The following LDB2 variants were observed in gnomAD, a reference collection of about 807,000 sequenced individuals.
LDB2 encodes the protein LIM domain-binding protein 2.
In LDB2, 12 loss-of-function variants were observed where a neutral mutation model predicts 44.3. That is an observed-to-expected ratio of 0.27 (90% confidence interval 0.17 to 0.44). LDB2 has a LOEUF of 0.44. Among genes scored for constraint, LDB2 ranks in the 20% least tolerant of loss-of-function variants. The pLI, the probability that LDB2 is intolerant of heterozygous loss-of-function variation, is 1.00. For synonymous variants in LDB2, 164 were observed against 174.8 expected (o/e 0.94, Z 0.49); for missense variants, 344 against 473.5 (o/e 0.73, Z 2.54).
intron 1 of LDB2, among the ~76,000 whole-genome samples, chr4:16,799,893 T>C (rs1472878217): frequency 2.6e-5 from 4 of 152,242 alleles, no homozygotes; most frequent in East Asian, 3.8e-4. Context: ...GATATTTATC[T>C]GAAATTCCAA....
At chr4:16,564,990 C>G in intron 5 of LDB2, among the ~76,000 whole-genome samples, 1 of 152,172 alleles carries the variant, frequency 6.6e-6, no homozygotes, top group East Asian at 1.9e-4. Flanking sequence ...ATCCAATTCT[C>G]CTTTACAATT....
intron 1 of LDB2, among the ~76,000 whole-genome samples, chr4:16,843,081 G>A (rs901119669): frequency 6.6e-6 from 1 of 152,106 alleles, no homozygotes; most frequent in African/African-American, 2.4e-5. Context: ...CAGCCTAATT[G>A]CAATCATTCA....
chr4:16,619,203 T>G (rs1196526462), intron 2 of LDB2, among the ~76,000 whole-genome samples: 2 of 152,102 alleles, frequency 1.3e-5, no homozygotes, highest in Non-Finnish European at 2.9e-5. Flanking sequence ...AAAAATTTTT[T>G]GCTGTGATTG....
intron 2 of LDB2, among the ~76,000 whole-genome samples, chr4:16,730,458 A>C (rs545629198): frequency 7.9e-5 from 12 of 152,290 alleles, no homozygotes; most frequent in African/African-American, 2.9e-4. Flanking sequence ...CATGATAAAG[A>C]CTCAAAAACT....
At chr4:16,754,949 C>A (rs1766220331) in intron 2 of LDB2, among the ~76,000 whole-genome samples, 1 of 152,216 alleles carries the variant, frequency 6.6e-6, no homozygotes, top group East Asian at 1.9e-4. Context: ...CTTTCTCCTG[C>A]ACCATCCAGC....
intron 1 of LDB2, among the ~76,000 whole-genome samples, chr4:16,882,915 T>C (rs952608233): frequency 2.0e-5 from 3 of 152,232 alleles, no homozygotes; most frequent in Admixed American, 1.3e-4. Context: ...TTAGTTCAGA[T>C]GAATTTTAAC....
chr4:16,729,476 G>A (rs904603523), intron 2 of LDB2, among the ~76,000 whole-genome samples: 15 of 152,036 alleles, frequency 9.9e-5, no homozygotes, highest in African/African-American at 2.9e-4. Flanking sequence ...AAAACACACC[G>A]GCTCAGCCAG....
At chr4:16,509,415 G>T (rs1720831728) in intron 6 of LDB2, among the ~76,000 whole-genome samples, 1 of 152,058 alleles carries the variant, frequency 6.6e-6, no homozygotes, top group South Asian at 2.1e-4. Context: ...TTAAAGAAAG[G>T]CCTATTCAGA....
At chr4:16,652,891 G>C (rs576941667) in intron 2 of LDB2, among the ~76,000 whole-genome samples, 3 of 152,126 alleles carry the variant, frequency 2.0e-5, no homozygotes, top group African/African-American at 7.2e-5. Flanking sequence ...GCTATTAGCA[G>C]TCACTTGTTT....
chr4:16,616,558 G>A (rs140878633), intron 2 of LDB2, among the ~76,000 whole-genome samples: 28 of 152,084 alleles, frequency 1.8e-4, no homozygotes, highest in Admixed American at 2.0e-4. Context: ...ACAGCCACCT[G>A]AGTCTCTGGC....
chr4:16,589,783 G>A lies in LDB2; in HGVS notation c.409-951C>T, dbSNP rs183217369. On this transcript the variant is annotated intron_variant, in intron 3 of 7. Transcript: ENST00000304523. The stretch of plus-strand genomic sequence containing the variant: ...ATCAGACGATTTCTGCCTTAGGAAA[G>A]CAGTACAAAATAGCGGGCGGATACT... Among the ~76,000 whole-genome samples the A allele has an allele frequency of 1.6e-3, 246 of 152,198 alleles. 7 individuals carry two copies. In the South Asian group the frequency reaches 0.043, roughly 27 times the overall value.
At chr4:16,645,116 A>G (rs529792749) in intron 2 of LDB2, among the ~76,000 whole-genome samples, 29 of 152,272 alleles carry the variant, frequency 1.9e-4, no homozygotes, top group Non-Finnish European at 3.5e-4. Flanking sequence ...AAATAAGTGC[A>G]TTGATAGCTA....
In LDB2 at chr4:16,578,508, C is replaced by T. The variant is rs6814781; in HGVS notation, c.615+7414G>A. Among the ~76,000 whole-genome samples, 628 of 152,284 alleles carry T rather than the reference C, an allele frequency of 4.1e-3. 6 individuals are homozygous for T. The highest frequency in any genetic ancestry group is 0.014 in the African/African-American group (593 of 41,566). ...GCAAATCAAAACTATAATGAAATAT[C>T]ATCTCATCCCAGTCAAAATGGTTTT... is the stretch of plus-strand genomic sequence containing the variant. On this transcript the variant is annotated intron_variant, in intron 5 of 7. Transcript: ENST00000304523.
At chr4:16,842,238 G>A (rs16894076) in intron 1 of LDB2, among the ~76,000 whole-genome samples, 3,121 of 152,158 alleles carry the variant, frequency 0.021, 124 homozygotes, top group African/African-American at 0.072. Flanking sequence ...AAATACCTCC[G>A]AAGTGCAAAT....
At chr4:16,852,432 G>A (rs1375239957) in intron 1 of LDB2, among the ~76,000 whole-genome samples, 2 of 152,120 alleles carry the variant, frequency 1.3e-5, no homozygotes, top group Admixed American at 1.3e-4. Context: ...CCACACACAT[G>A]GGATGAACTA....
chr4:16,813,877 C>T lies in LDB2; in HGVS notation c.133-54617G>A, dbSNP rs1349491349. Among the ~76,000 whole-genome samples, 98 of 143,952 alleles carry T rather than the reference C, an allele frequency of 6.8e-4. 1 individual carries two copies. Among genetic ancestry groups the T allele is most frequent in the African/African-American group, 2.3e-3 (90 of 39,352 alleles). The allele number at this position is 143,952 out of a possible 152,430, so 94.4% of individuals were successfully genotyped here. ...TACTGATTTTCTTTTCTTTTCTTTT[C>T]TTTTTTTTTTTTTGAGAGGAGTCTG... On this transcript the variant is annotated intron_variant, in intron 1 of 7. Transcript: ENST00000304523.
intron 2 of LDB2, among the ~76,000 whole-genome samples, chr4:16,613,787 A>T (rs1361501041): frequency 6.6e-6 from 1 of 152,202 alleles, no homozygotes; most frequent in East Asian, 1.9e-4. Flanking sequence ...ACAAATGGAA[A>T]AACCTTCCAT....
chr4:16,684,880 C>G (rs1338463434), intron 2 of LDB2, among the ~76,000 whole-genome samples: 2 of 152,150 alleles, frequency 1.3e-5, no homozygotes, highest in African/African-American at 4.8e-5. Context: ...CATATTGTCT[C>G]TTTTACAGAT....
chr4:16,832,223 A>C (rs1259860999), intron 1 of LDB2, among the ~76,000 whole-genome samples: 1 of 152,250 alleles, frequency 6.6e-6, no homozygotes, highest in Non-Finnish European at 1.5e-5. Flanking sequence ...TCTCATCTTC[A>C]GTACCCCAAG....
Sources: gnomAD v4.1 joint callset for allele counts (sites outside exome capture counted in the v4.1 genomes callset) on GRCh38, gnomAD v4.1.1 for gene constraint, MANE v1.5 for transcripts, NCBI Gene and HGNC (gene_info 2026-07-23, HGNC 2026-07-21) for gene names.